Variants in CDK14 observed in about 807,000 individuals in gnomAD.
CDK14 encodes cyclin-dependent kinase 14.
A neutral mutation model predicts 60.7 loss-of-function variants in CDK14; 34 were observed. The observed-to-expected ratio is 0.56, with a 90% CI of 0.43 to 0.75. The LOEUF is 0.75. CDK14 is among the 30% of genes least tolerant of loss of function. The probability of loss-of-function intolerance (pLI) is 0.00; values close to 1 mark genes in which losing one functional copy is unlikely to be tolerated. For missense variants in CDK14, 482 were observed against 564.1 expected (o/e 0.85, Z 1.47); for synonymous variants, 197 against 203.7 (o/e 0.97, Z 0.28).
At position 90,664,329 on chromosome 7, in the gene CDK14, A is replaced by G. The variant is rs1584778491; in HGVS notation, c.123+60080A>G. 1.3e-5 allele frequency among the ~76,000 whole-genome samples: 2 copies of G among 152,286 alleles called. 1 individual carries two copies. The highest frequency in any genetic ancestry group is 4.8e-5 in the African/African-American group (2 of 41,560). The stretch of plus-strand genomic sequence containing the variant: ...GATGTGGAGAAATAGGAACACTTTT[A>G]CACTGTTGGTGGGACTGTAAACTAG... On this transcript the variant is annotated intron_variant, in intron 2 of 14. Transcript: ENST00000380050.
At chr7:90,602,170 A>G (rs1188106371) in intron 1 of CDK14, among the ~76,000 whole-genome samples, 1 of 152,160 alleles carries the variant, frequency 6.6e-6, no homozygotes, top group Non-Finnish European at 1.5e-5. Flanking sequence ...CTAAATTTCC[A>G]GAACTTTTAT....
chr7:90,644,851 T>G (rs1366622931), intron 2 of CDK14, among the ~76,000 whole-genome samples: 1 of 152,156 alleles, frequency 6.6e-6, no homozygotes, highest in Non-Finnish European at 1.5e-5. Context: ...TACAATTTAT[T>G]GAACTAAAAA....
At chr7:90,850,983 G>A (rs987202454) in intron 5 of CDK14, among the ~76,000 whole-genome samples, 39 of 152,026 alleles carry the variant, frequency 2.6e-4, no homozygotes, top group African/African-American at 8.5e-4. Context: ...TTAGCTTCAG[G>A]TTTTTCTGCC....
chr7:90,896,016 T>C (rs528887203), intron 6 of CDK14, among the ~76,000 whole-genome samples: 115 of 152,074 alleles, frequency 7.6e-4, no homozygotes, highest in Non-Finnish European at 1.4e-3. Flanking sequence ...AACTTATTGT[T>C]TTCTAGTTTT....
At chr7:90,831,276 G>T (rs1049790569) in intron 5 of CDK14, among the ~76,000 whole-genome samples, 1 of 152,204 alleles carries the variant, frequency 6.6e-6, no homozygotes, top group Non-Finnish European at 1.5e-5. Context: ...AATCATTGCA[G>T]AAGGTGAAGG....
At chr7:91,203,351 G>T (rs1364454408) in intron 14 of CDK14, among the ~76,000 whole-genome samples, 1 of 152,162 alleles carries the variant, frequency 6.6e-6, no homozygotes, top group Admixed American at 6.5e-5. Context: ...TTCAACAACT[G>T]TATATTGAGT....
At chr7:90,945,252 C>T (rs1456682882) in intron 8 of CDK14, among the ~76,000 whole-genome samples, 1 of 152,146 alleles carries the variant, frequency 6.6e-6, no homozygotes, top group African/African-American at 2.4e-5. Flanking sequence ...AAGTGTTACT[C>T]TAGGCCAACT....
At chr7:91,097,469 G>A (rs1799026943) in intron 12 of CDK14, among the ~76,000 whole-genome samples, 2 of 151,740 alleles carry the variant, frequency 1.3e-5, no homozygotes, top group South Asian at 4.2e-4. Context: ...TCTATACATG[G>A]AGTTAATATA....
intron 14 of CDK14, among the ~76,000 whole-genome samples, chr7:91,124,682 G>A (rs978719958): frequency 6.6e-6 from 1 of 152,034 alleles, no homozygotes; most frequent in Non-Finnish European, 1.5e-5. Flanking sequence ...GGGGGGAATA[G>A]CACTTGCATC....
rs1351205345 is a variant in CDK14, at chr7:91,079,491, A to G, written c.1154+11A>G. 1 of 1,571,830 alleles carries G rather than the reference A, an allele frequency of 6.4e-7. No homozygotes were observed. The highest frequency in any genetic ancestry group is 8.8e-7 in the Non-Finnish European group (1 of 1,142,430). On this transcript the variant is annotated intron_variant, in intron 12 of 14. Coordinates refer to ENST00000380050, the MANE Select transcript of CDK14 (RefSeq NM_001287135.2). ...ACAAGCATGGAATAAGTAAGTCTTT[A>G]TACAGATTGTGCTCATTCTCTTTCT... is the stretch of plus-strand genomic sequence containing the variant.
chr7:90,932,142 G>A (rs1297827363), intron 8 of CDK14, among the ~76,000 whole-genome samples: 1 of 152,140 alleles, frequency 6.6e-6, no homozygotes, highest in Non-Finnish European at 1.5e-5. Context: ...CCTGTCTGAG[G>A]CATTCACAGC....
chr7:91,029,608 C>CCCCACT (rs1489414078), intron 10 of CDK14, among the ~76,000 whole-genome samples: 2,686 of 69,922 alleles, frequency 0.038, 74 homozygotes, highest in African/African-American at 0.11. Context: ...CCTCTCCTCT[C>CCCCACT]CTCCGCTCCC....
At position 90,685,174 on chromosome 7, in the gene CDK14, C is replaced by T. The variant is rs77862508; in HGVS notation, c.124-41393C>T. The stretch of plus-strand genomic sequence containing the variant: ...GGATTGAGTAGGAAATTCATCCTCT[C>T]TTTTCTTTCACATTGCTTTCTGGTT... On this transcript the variant is annotated intron_variant, in intron 2 of 14. Transcript: ENST00000380050. 6.9e-3 allele frequency among the ~76,000 whole-genome samples: 1,047 copies of T among 152,098 alleles called. 16 individuals carry two copies. The highest frequency in any genetic ancestry group is 0.023 in the African/African-American group (965 of 41,500).
chr7:90,703,083 C>T (rs1801823916), intron 2 of CDK14, among the ~76,000 whole-genome samples: 1 of 150,938 alleles, frequency 6.6e-6, no homozygotes, highest in Admixed American at 6.6e-5. Context: ...TGAGACTTAG[C>T]TTCTTAAGCA....
intron 11 of CDK14, among the ~76,000 whole-genome samples, chr7:91,061,306 CT>C (rs1273009651): frequency 6.6e-6 from 1 of 152,102 alleles, no homozygotes; most frequent in Non-Finnish European, 1.5e-5. Context: ...TTCATCTAAT[CT>C]TTTTTCAAGG....
chr7:90,666,899 T>C (rs1800990886), intron 2 of CDK14, among the ~76,000 whole-genome samples: 1 of 152,252 alleles, frequency 6.6e-6, no homozygotes, highest in Admixed American at 6.5e-5. Flanking sequence ...ATTTTTTATT[T>C]GAAAATTTTC....
At chr7:90,618,622 GTC>G (rs1484097200) in intron 2 of CDK14, among the ~76,000 whole-genome samples, 1 of 152,140 alleles carries the variant, frequency 6.6e-6, no homozygotes, top group African/African-American at 2.4e-5. Context: ...GAAGGGGGAA[GTC>G]TCAGGCAGGA....
intron 5 of CDK14, among the ~76,000 whole-genome samples, chr7:90,849,582 G>C (rs1210040572): frequency 6.6e-6 from 1 of 151,992 alleles, no homozygotes; most frequent in Non-Finnish European, 1.5e-5. Context: ...TTGGGGATTG[G>C]AGAGGGTGGG....
intron 11 of CDK14, among the ~76,000 whole-genome samples, chr7:91,047,557 A>G (rs1271296945): frequency 6.6e-6 from 1 of 152,224 alleles, no homozygotes; most frequent in African/African-American, 2.4e-5. Flanking sequence ...TAAAACAGAC[A>G]TTATGTATGT....
Sources: allele counts gnomAD v4.1 joint callset (sites outside exome capture counted in the v4.1 genomes callset), GRCh38; gene constraint gnomAD v4.1.1; transcripts MANE v1.5; gene names NCBI Gene and HGNC (gene_info 2026-07-23, HGNC 2026-07-21).